Variants in MTCL1 observed in about 807,000 individuals in gnomAD.
The protein encoded by MTCL1 is microtubule cross-linking factor 1.
In MTCL1, 79 loss-of-function variants were observed where a neutral mutation model predicts 141.4. That is an observed-to-expected ratio of 0.56 (90% CI 0.47 to 0.67). The LOEUF (loss-of-function observed/expected upper bound fraction) is 0.67, where lower values mean the gene tolerates loss of function less well. Among genes scored for constraint, MTCL1 ranks in the 30% least tolerant of loss-of-function variants. The pLI is 0.00. For synonymous variants in MTCL1, 914 were observed against 875.8 expected (o/e 1.04, Z -0.77); for missense variants, 2,177 against 2,113.9 (o/e 1.03, Z -0.59).
intron 4 of MTCL1, 112 bp from the exon 4 acceptor site, chr18:8,777,721 G>A: frequency 1.2e-6 from 1 of 844,702 alleles, no homozygotes; most frequent in Non-Finnish European, 1.9e-6. Context: ...GATTCTGGTG[G>A]GAAACAGCCT....
At chr18:8,831,854 A>G in exon 17 of MTCL1, 1 of 1,538,344 alleles carries the variant, frequency 6.5e-7, no homozygotes, top group Non-Finnish European at 8.8e-7. Context: ...GCATAACCAC[A>G]CCATCACCAT....
At chr18:8,775,757 C>T (rs995227255) in intron 4 of MTCL1, among the ~76,000 whole-genome samples, 6 of 152,148 alleles carry the variant, frequency 3.9e-5, no homozygotes, top group African/African-American at 1.4e-4. Flanking sequence ...GGAAATAAAG[C>T]CTTCTGCAGC....
intron 4 of MTCL1, among the ~76,000 whole-genome samples, chr18:8,775,568 G>A (rs566576327): frequency 1.6e-4 from 24 of 149,094 alleles, no homozygotes; most frequent in Admixed American, 4.0e-4. Flanking sequence ...GAAAGATTCC[G>A]TCTCAAAACA....
chr18:8,788,960 G>A (rs1207048009), intron 7 of MTCL1, among the ~76,000 whole-genome samples: 1 of 152,208 alleles, frequency 6.6e-6, no homozygotes, highest in Non-Finnish European at 1.5e-5. Flanking sequence ...CATCAAATGT[G>A]AGACAATCAC....
At chr18:8,706,610 A>G (rs766900267) in exon 1 of MTCL1, 18 of 1,532,880 alleles carry the variant, frequency 1.2e-5, no homozygotes, top group South Asian at 6.1e-5. Flanking sequence ...GGGACCCCCA[A>G]GGAGCCCAGC....
intron 7 of MTCL1, chr18:8,789,420 A>C (rs770400304): frequency 3.0e-6 from 3 of 985,458 alleles, no homozygotes; most frequent in Non-Finnish European, 3.6e-6. Flanking sequence ...AGTGATGGCC[A>C]TGAAAAGCCT....
At chr18:8,783,566 G>C (rs781034963) in exon 6 of MTCL1, 8 of 1,608,460 alleles carry the variant, frequency 5.0e-6, no homozygotes, top group Non-Finnish European at 6.8e-6. Context: ...GCTCCAGTTT[G>C]CCAAAGAGGA....
At chr18:8,827,582 C>A (rs1325218272) in intron 15 of MTCL1, among the ~76,000 whole-genome samples, 1 of 152,192 alleles carries the variant, frequency 6.6e-6, no homozygotes, top group Non-Finnish European at 1.5e-5. Flanking sequence ...CTTTGGGCTA[C>A]TGTTACCCCA....
At chr18:8,758,491 T>C (rs1337084617) in intron 4 of MTCL1, among the ~76,000 whole-genome samples, 3 of 152,166 alleles carry the variant, frequency 2.0e-5, no homozygotes, top group African/African-American at 7.2e-5. Context: ...CCTTCATTCA[T>C]AGGATTTGGG....
At chr18:8,780,948 TC>T (rs2096530521) in intron 5 of MTCL1, among the ~76,000 whole-genome samples, 1 of 151,968 alleles carries the variant, frequency 6.6e-6, no homozygotes, top group South Asian at 2.1e-4. Flanking sequence ...TGGTGGATCA[TC>T]TGAGGTCAGG....
chr18:8,823,965 G>C (rs780320399), intron 14 of MTCL1, among the ~76,000 whole-genome samples: 3 of 152,178 alleles, frequency 2.0e-5, no homozygotes, highest in Non-Finnish European at 4.4e-5. Context: ...GGGGTGAAAG[G>C]AGTATCAGTA....
At chr18:8,819,162 G>A (rs1462547663) in exon 13 of MTCL1, 1 of 1,614,260 alleles carries the variant, frequency 6.2e-7, no homozygotes, top group South Asian at 1.1e-5. Context: ...TGCTCGGCCA[G>A]TGAGAATCTC....
intron 4 of MTCL1, among the ~76,000 whole-genome samples, chr18:8,740,632 G>A (rs1177263560): frequency 2.0e-5 from 3 of 152,010 alleles, no homozygotes; most frequent in African/African-American, 7.2e-5. Flanking sequence ...ACAGGTACCC[G>A]CCATCACACC....
At chr18:8,732,243 C>A (rs2096254375) in intron 4 of MTCL1, among the ~76,000 whole-genome samples, 1 of 152,026 alleles carries the variant, frequency 6.6e-6, no homozygotes, top group South Asian at 2.1e-4. Context: ...TGCCACCACA[C>A]CCGGCTAATT....
chr18:8,709,776 C>T (rs539706183), intron 1 of MTCL1, among the ~76,000 whole-genome samples: 14 of 152,304 alleles, frequency 9.2e-5, no homozygotes, highest in African/African-American at 2.9e-4. Context: ...GGATATTCTT[C>T]GGATCAGGAC....
chr18:8,740,526 AG>A (rs1233706558), intron 4 of MTCL1, among the ~76,000 whole-genome samples: 16 of 152,330 alleles, frequency 1.1e-4, no homozygotes, highest in African/African-American at 3.8e-4. Flanking sequence ...TCTGTCACCC[AG>A]GCTGGAGTAC....
chr18:8,734,815 C>T (rs1205676843), intron 4 of MTCL1, among the ~76,000 whole-genome samples: 1 of 152,196 alleles, frequency 6.6e-6, no homozygotes, highest in South Asian at 2.1e-4. Flanking sequence ...CTGGCCCCTA[C>T]ATCAGACCCT....
chr18:8,784,732 A>G lies in MTCL1; in HGVS notation c.1620A>G (p.Leu540=), dbSNP rs373557147. The G allele has an allele frequency of 7.4e-6, 12 of 1,614,204 alleles. No homozygotes were observed. The Admixed American group carries it at 1.2e-4, about 16-fold the overall frequency. The change falls in exon 6 of 17, where the codon CTA becomes CTG. Residue 540 remains leucine, a synonymous_variant. Transcript: ENST00000359865. ...AGGTGAACCGCATTGGGGATGGCCTATCCCCCTTGCCCCACCTCACAGAGT... is the reference window on the plus strand; with the variant it reads ...AGGTGAACCGCATTGGGGATGGCCTGTCCCCCTTGCCCCACCTCACAGAGT...
At chr18:8,760,116 C>T (rs574995605) in intron 4 of MTCL1, among the ~76,000 whole-genome samples, 1 of 152,330 alleles carries the variant, frequency 6.6e-6, no homozygotes, top group South Asian at 2.1e-4. Flanking sequence ...AACATGGGCT[C>T]ACCTCATGTC....
Sources: allele counts gnomAD v4.1 joint callset (sites outside exome capture counted in the v4.1 genomes callset), GRCh38; gene constraint gnomAD v4.1.1; transcripts MANE v1.5; gene names NCBI Gene and HGNC (gene_info 2026-07-23, HGNC 2026-07-21).